Variants in GRIK3 observed in about 807,000 individuals in gnomAD.
The protein encoded by GRIK3 is glutamate ionotropic receptor kainate type subunit 3, also known as glutamate receptor ionotropic, kainate 3.
Under a neutral mutation model 102.5 loss-of-function variants are expected in GRIK3, and 29 were observed. The ratio of observed to expected loss-of-function variants is 0.28; its 90% confidence interval spans 0.21 to 0.39. The LOEUF (loss-of-function observed/expected upper bound fraction) is 0.39, where lower values mean the gene tolerates loss of function less well. Among genes scored for constraint, GRIK3 ranks in the 10% least tolerant of loss-of-function variants. The pLI, the probability that GRIK3 is intolerant of heterozygous loss-of-function variation, is 1.00. For synonymous variants in GRIK3, 511 were observed against 504.9 expected, an observed-to-expected ratio of 1.01 and a Z score of -0.16; for missense variants, 908 against 1,252.4, an observed-to-expected ratio of 0.73 and a Z score of 4.15.
intron 1 of GRIK3, among the ~76,000 whole-genome samples, chr1:36,953,870 A>G (rs1367845503): frequency 6.6e-6 from 1 of 152,112 alleles, no homozygotes; most frequent in African/African-American, 2.4e-5. Context: ...GGAAGCACAG[A>G]GGGGGCCCTC....
Position 36,806,374 on chromosome 1 carries a change from C to A in GRIK3, c.2092-48G>T. On this transcript the variant is annotated intron_variant, in intron 13 of 15. Coordinates refer to ENST00000373091, the MANE Select transcript of GRIK3 (RefSeq NM_000831.4). This position sits in a 1 kb window ranked among gnomAD's most constrained non-coding sequence, Gnocchi z 4.0. ...ATGCACACACCGTTACTAGGCGCAC[C>A]AGGGACCAAGCACCGCATACCCTGC... The A allele has an allele frequency of 8.0e-7, 1 of 1,254,992 alleles. No individual in the cohort carries two copies. Among genetic ancestry groups the A allele is most frequent in the African/African-American group, 1.5e-5 (1 of 68,158 alleles). 77.7% of individuals were successfully genotyped at this position (1,254,992 alleles called of 1,614,324 possible). A position where few individuals can be genotyped will look rare whatever the true frequency, so the allele number is the denominator to read the frequency against.
intron 1 of GRIK3, among the ~76,000 whole-genome samples, chr1:36,999,553 G>C (rs533828702): frequency 5.9e-5 from 9 of 152,134 alleles, no homozygotes; most frequent in Admixed American, 1.3e-4. Context: ...GGGCCTTAAG[G>C]TAATGATCAT....
In GRIK3 at chr1:36,797,358, C is replaced by T. The variant is rs961393288; in HGVS notation, c.*4493G>A. 2 of 151,490 alleles carry T rather than the reference C, an allele frequency of 1.3e-5. No individual in the cohort carries two copies. Among genetic ancestry groups the T allele is most frequent in the African/African-American group, 2.4e-5 (1 of 41,194 alleles). 9.4% of individuals were successfully genotyped at this position (151,490 alleles called of 1,614,324 possible). A position where few individuals can be genotyped will look rare whatever the true frequency, so the allele number is the denominator to read the frequency against. ...TATTGTACAGAACATTAACCTTCTACCTAAAAGTTTTGTGACTCACGTATG... is the reference window on the plus strand; with the variant it reads ...TATTGTACAGAACATTAACCTTCTATCTAAAAGTTTTGTGACTCACGTATG... On this transcript the variant is annotated 3_prime_UTR_variant, in exon 16 of 16. Transcript: ENST00000373091.
chr1:36,874,167 A>G (rs1399073518), intron 3 of GRIK3, among the ~76,000 whole-genome samples: 1 of 152,188 alleles, frequency 6.6e-6, no homozygotes, highest in East Asian at 1.9e-4. Context: ...AGCCCTCTCC[A>G]AAAGCCTTCC....
intron 8 of GRIK3, among the ~76,000 whole-genome samples, chr1:36,853,274 C>T (rs1640606122): frequency 6.6e-6 from 1 of 152,222 alleles, no homozygotes; most frequent in African/African-American, 2.4e-5. Context: ...TCCTTCTGCT[C>T]CATGACAGCC....
At chr1:36,921,619 T>C (rs1641474686) in intron 1 of GRIK3, among the ~76,000 whole-genome samples, 1 of 152,010 alleles carries the variant, frequency 6.6e-6, no homozygotes, top group African/African-American at 2.4e-5. Context: ...AATCACACTT[T>C]TTTTTTTCAC....
chr1:36,939,897 A>G (rs550109379), intron 1 of GRIK3, among the ~76,000 whole-genome samples: 40 of 152,328 alleles, frequency 2.6e-4, no homozygotes. Flanking sequence ...CTCCTGACAC[A>G]GTCATCTCTA....
chr1:36,854,837 C>T (rs190488562), intron 7 of GRIK3, among the ~76,000 whole-genome samples: 107 of 152,252 alleles, frequency 7.0e-4, no homozygotes, highest in African/African-American at 2.3e-3. Context: ...GAGGTGGCCA[C>T]GCAAGGATCA....
intron 1 of GRIK3, among the ~76,000 whole-genome samples, chr1:36,909,539 G>A (rs1281463000): frequency 6.6e-6 from 1 of 152,174 alleles, no homozygotes; most frequent in Non-Finnish European, 1.5e-5. Context: ...GACCTCAAGT[G>A]ATCTGCCTGC....
chr1:36,921,600 T>C (rs1404038897), intron 1 of GRIK3, among the ~76,000 whole-genome samples: 1 of 126,398 alleles, frequency 7.9e-6, no homozygotes, highest in African/African-American at 2.8e-5. Flanking sequence ...CCATATTTCA[T>C]TGATTTCAAA....
Position 37,006,878 on chromosome 1 carries a change from G to A in GRIK3, c.115+27116C>T, listed in dbSNP as rs139354149. The stretch of plus-strand genomic sequence containing the variant: ...GTGAGAAAATTGAGGCCTGGGAGGC[G>A]TTAAGGAACTTTCCAAAGGCCAGGG... On this transcript the variant is annotated intron_variant, in intron 1 of 15. Coordinates refer to ENST00000373091, the MANE Select transcript of GRIK3 (RefSeq NM_000831.4). Among the ~76,000 whole-genome samples the A allele has an allele frequency of 1.3e-3, 192 of 152,302 alleles. 3 individuals are homozygous for A. In the East Asian group the frequency reaches 0.03, roughly 24 times the overall value.
In GRIK3 at chr1:36,819,726, G is replaced by A; in HGVS notation, c.1873+10C>T. On this transcript the variant is annotated intron_variant, in intron 12 of 15. Coordinates refer to ENST00000373091, the MANE Select transcript of GRIK3 (RefSeq NM_000831.4). This position sits in a 1 kb window ranked among gnomAD's most constrained non-coding sequence, Gnocchi z 4.1. ...CCCTGGAAGGGGAGGCCCTGGGAGA[G>A]GGTGCATACCTTGCTGCATCAGGGA... 7.3e-7 allele frequency: 1 copy of A among 1,363,374 alleles called. No individual in the cohort carries two copies. Among genetic ancestry groups the A allele is most frequent in the Non-Finnish European group, 1.1e-6 (1 of 951,046 alleles). 84.5% of individuals were successfully genotyped at this position (1,363,374 alleles called of 1,614,324 possible). A position where few individuals can be genotyped will look rare whatever the true frequency, so the allele number is the denominator to read the frequency against.
intron 1 of GRIK3, among the ~76,000 whole-genome samples, chr1:36,974,808 A>AAAC (rs1360270739): frequency 1.3e-5 from 2 of 151,866 alleles, no homozygotes; most frequent in African/African-American, 4.8e-5. Flanking sequence ...TCAAAAAAAA[A>AAAC]AAAACAAAAA....
chr1:36,886,337 C>T (rs1219122247), intron 2 of GRIK3, among the ~76,000 whole-genome samples: 2 of 152,134 alleles, frequency 1.3e-5, no homozygotes, highest in Non-Finnish European at 2.9e-5. Context: ...ATGACGAGGA[C>T]TTCTGTCTAG....
intron 13 of GRIK3, among the ~76,000 whole-genome samples, chr1:36,808,811 A>G (rs1642528430): frequency 6.6e-6 from 1 of 152,064 alleles, no homozygotes. Flanking sequence ...TAACTTATAC[A>G]CCCTCTCAAC....
chr1:36,836,902 T>C (rs1640386419), intron 10 of GRIK3, among the ~76,000 whole-genome samples: 2 of 152,112 alleles, frequency 1.3e-5, no homozygotes, highest in African/African-American at 4.8e-5. Flanking sequence ...GCTGACCTTG[T>C]ACCCCCAGGA....
At chr1:36,860,373 A>T (rs1045667672) in intron 5 of GRIK3, among the ~76,000 whole-genome samples, 1 of 152,218 alleles carries the variant, frequency 6.6e-6, no homozygotes, top group Admixed American at 6.5e-5. Context: ...GCTTCCTTTC[A>T]AAAGGGGAGA....
chr1:36,899,392 A>G (rs761837918), intron 1 of GRIK3, among the ~76,000 whole-genome samples: 1 of 152,214 alleles, frequency 6.6e-6, no homozygotes, highest in Non-Finnish European at 1.5e-5. Flanking sequence ...CATTGAGGAC[A>G]GTAGGCTAAG....
intron 1 of GRIK3, among the ~76,000 whole-genome samples, chr1:36,958,288 C>T (rs1382269756): frequency 1.2e-5 from 1 of 80,620 alleles, no homozygotes; most frequent in African/African-American, 6.3e-5. Context: ...TGCCCCATGA[C>T]TCTGTGCCCC....
Sources: gnomAD v4.1 joint callset for allele counts (sites outside exome capture counted in the v4.1 genomes callset) on GRCh38, gnomAD v4.1.1 for gene constraint, Gnocchi (gnomAD v3.1) non-coding constraint, MANE v1.5 for transcripts, NCBI Gene and HGNC (gene_info 2026-07-23, HGNC 2026-07-21) for gene names.